VPS13B: variants seen among roughly 807,000 people sequenced by gnomAD.
VPS13B encodes the protein intermembrane lipid transfer protein VPS13B.
VPS13B carries 285 observed loss-of-function variants against 426.4 expected under a neutral mutation model. That is an observed-to-expected ratio of 0.67 (90% CI 0.61 to 0.74). The LOEUF is 0.74. Ranked by LOEUF, VPS13B falls within the 30% of genes least tolerant of loss-of-function variation. The pLI, the probability that VPS13B is intolerant of heterozygous loss-of-function variation, is 0.00. For synonymous variants in VPS13B, 1,676 were observed against 1,676.4 expected (o/e 1.00, Z 0.01); for missense variants, 4,537 against 4,782.6 (o/e 0.95, Z 1.51).
intron 35 of VPS13B, among the ~76,000 whole-genome samples, chr8:99,665,746 G>T (rs1830460708): frequency 6.6e-6 from 1 of 152,142 alleles, no homozygotes; most frequent in Non-Finnish European, 1.5e-5. Context: ...TTGAAGTCAG[G>T]TAGCGTGATG....
chr8:99,309,314 G>T (rs1254778631), intron 19 of VPS13B, among the ~76,000 whole-genome samples: 1 of 152,066 alleles, frequency 6.6e-6, no homozygotes, highest in East Asian at 1.9e-4. Context: ...TATGGTTTTA[G>T]GTCTAACATG....
intron 33 of VPS13B, among the ~76,000 whole-genome samples, chr8:99,596,457 T>C (rs1435201234): frequency 6.6e-6 from 1 of 152,018 alleles, no homozygotes; most frequent in Admixed American, 6.6e-5. Flanking sequence ...AGGTCAGTAG[T>C]CTAAGACTGG....
At chr8:99,545,377 A>G (rs1373708068) in intron 30 of VPS13B, among the ~76,000 whole-genome samples, 1 of 152,154 alleles carries the variant, frequency 6.6e-6, no homozygotes, top group Non-Finnish European at 1.5e-5. Context: ...TATCTGCACT[A>G]ATACAGTAGC....
At chr8:99,824,700 A>G (rs1814573143) in intron 51 of VPS13B, among the ~76,000 whole-genome samples, 1 of 151,758 alleles carries the variant, frequency 6.6e-6, no homozygotes, top group Non-Finnish European at 1.5e-5. Flanking sequence ...TCAACCCGTC[A>G]TCTACATTAG....
chr8:99,273,224 C>A (rs1818693419), intron 17 of VPS13B, among the ~76,000 whole-genome samples: 1 of 149,110 alleles, frequency 6.7e-6, no homozygotes, highest in African/African-American at 2.5e-5. Context: ...AGTGGTGCGA[C>A]CTCTGCTCAC....
chr8:99,067,653 C>T (rs190510378), intron 3 of VPS13B, among the ~76,000 whole-genome samples: 2 of 152,182 alleles, frequency 1.3e-5, no homozygotes, highest in Non-Finnish European at 2.9e-5. Context: ...TTAAGAAATC[C>T]ATAAATTTTG....
chr8:99,206,650 T>G (rs547376053), intron 17 of VPS13B, among the ~76,000 whole-genome samples: 1 of 152,268 alleles, frequency 6.6e-6, no homozygotes, highest in South Asian at 2.1e-4. Flanking sequence ...GGGAAGAAAA[T>G]GTACATACTG....
chr8:99,740,517 A>C (rs998801480), intron 39 of VPS13B, among the ~76,000 whole-genome samples: 113 of 152,326 alleles, frequency 7.4e-4, no homozygotes, highest in African/African-American at 2.6e-3. Context: ...AAGACACATA[A>C]TTGTCAGATT....
chr8:99,826,982 T>C (rs1288616092), intron 51 of VPS13B, among the ~76,000 whole-genome samples: 2 of 152,202 alleles, frequency 1.3e-5, no homozygotes, highest in African/African-American at 4.8e-5. Context: ...CAGTATTTTA[T>C]TGAGCATTTT....
intron 27 of VPS13B, among the ~76,000 whole-genome samples, chr8:99,506,151 G>T (rs1185601755): frequency 6.6e-6 from 1 of 151,974 alleles, no homozygotes; most frequent in East Asian, 1.9e-4. Context: ...TACAATCATT[G>T]GTATAGAGAT....
intron 22 of VPS13B, among the ~76,000 whole-genome samples, chr8:99,434,135 A>C (rs1817256011): frequency 6.6e-6 from 1 of 152,156 alleles, no homozygotes; most frequent in African/African-American, 2.4e-5. Flanking sequence ...TAAAAAATAT[A>C]TGACACTTAA....
chr8:99,166,553 C>G (rs1203333174), intron 15 of VPS13B, among the ~76,000 whole-genome samples: 1 of 152,126 alleles, frequency 6.6e-6, no homozygotes, highest in Non-Finnish European at 1.5e-5. Flanking sequence ...CAATAAGAAC[C>G]ACAAAACAGA....
intron 44 of VPS13B, among the ~76,000 whole-genome samples, chr8:99,812,980 C>T (rs773857898): frequency 3.9e-5 from 6 of 152,026 alleles, no homozygotes; most frequent in African/African-American, 4.8e-5. Context: ...AAAGAGAAAC[C>T]GTGCATTTAA....
intron 3 of VPS13B, among the ~76,000 whole-genome samples, chr8:99,053,422 T>C (rs775993076): frequency 6.6e-6 from 1 of 152,130 alleles, no homozygotes; most frequent in Non-Finnish European, 1.5e-5. Context: ...GATAGTTTGC[T>C]GAGAATGATG....
chr8:99,118,241 G>A (rs1256861596), intron 7 of VPS13B, among the ~76,000 whole-genome samples: 1 of 152,038 alleles, frequency 6.6e-6, no homozygotes, highest in Non-Finnish European at 1.5e-5. Context: ...TGTTACAATT[G>A]CTTCATCACA....
intron 31 of VPS13B, among the ~76,000 whole-genome samples, chr8:99,565,839 A>G (rs1429770873): frequency 6.6e-6 from 1 of 152,174 alleles, no homozygotes; most frequent in Non-Finnish European, 1.5e-5. Flanking sequence ...ATTTGGGCAC[A>G]GTGGCTCATG....
intron 33 of VPS13B, among the ~76,000 whole-genome samples, chr8:99,638,875 A>G (rs901401062): frequency 6.6e-6 from 1 of 152,218 alleles, no homozygotes; most frequent in Admixed American, 6.5e-5. Context: ...TGTTGTATCA[A>G]AGATAAACAT....
At chr8:99,581,797 A>G (rs534257074) in intron 33 of VPS13B, among the ~76,000 whole-genome samples, 63 of 152,330 alleles carry the variant, frequency 4.1e-4, no homozygotes, top group African/African-American at 1.4e-3. Context: ...ATTACATAAA[A>G]GAAACAAATT....
chr8:99,125,990 A>G (rs1249021658), intron 8 of VPS13B, among the ~76,000 whole-genome samples: 6 of 151,978 alleles, frequency 3.9e-5, no homozygotes, highest in Non-Finnish European at 8.8e-5. Flanking sequence ...GAGTGATCTA[A>G]TAGAGAGGAA....
Sources: allele counts gnomAD v4.1 joint callset (sites outside exome capture counted in the v4.1 genomes callset), GRCh38; gene constraint gnomAD v4.1.1; transcripts MANE v1.5; gene names NCBI Gene and HGNC (gene_info 2026-07-23, HGNC 2026-07-21).